The following CUL9 variants were observed in gnomAD, a reference collection of about 807,000 sequenced individuals.
CUL9 encodes the protein cullin-9.
CUL9 carries 79 observed loss-of-function variants against 272.6 expected under a neutral mutation model. The ratio of observed to expected loss-of-function variants is 0.29; its 90% CI spans 0.24 to 0.35. The LOEUF (loss-of-function observed/expected upper bound fraction) is 0.35. CUL9 is among the 10% of genes least tolerant of loss of function. The pLI, the probability that CUL9 is intolerant of heterozygous loss-of-function variation, is 1.00. For missense variants in CUL9, 2,532 were observed against 3,255.6 expected, an observed-to-expected ratio of 0.78 and a Z score of 5.41; for synonymous variants, 1,186 against 1,286.5, an observed-to-expected ratio of 0.92 and a Z score of 1.67.
rs1776596041 is a variant in CUL9 at position 43,223,974 on chromosome 6, G to C, written c.7285-121G>C. The C allele has an allele frequency of 2.2e-6, 2 of 905,962 alleles. No individual in the cohort carries two copies. The highest frequency in any genetic ancestry group is 1.8e-6 in the Non-Finnish European group (1 of 544,756). 56.1% of individuals were successfully genotyped at this position (905,962 alleles called of 1,614,324 possible). On this transcript the variant is annotated intron_variant, in intron 39 of 40. Coordinates refer to ENST00000252050, the MANE Select transcript of CUL9 (RefSeq NM_015089.4). The surrounding 1 kb of genome is among the most constrained non-coding windows in gnomAD (Gnocchi z 4.1). ...AAGGCAGTGTTTCATGAAGTGCTGT[G>C]CTGGGAGGGGAGCAGTCCTAGCAGG...
At chr6:43,197,246 C>A (rs1774080181) in intron 11 of CUL9, among the ~76,000 whole-genome samples, 1 of 151,980 alleles carries the variant, frequency 6.6e-6, no homozygotes. Context: ...AGGGTTTCAC[C>A]ATGTTGGCCA....
chr6:43,222,829 C>T lies in CUL9; in HGVS notation c.7083C>T (p.Tyr2361=). The T allele has an allele frequency of 1.2e-6, 2 of 1,614,106 alleles. No homozygotes were observed. Among genetic ancestry groups the T allele is most frequent in the Non-Finnish European group, 1.7e-6 (2 of 1,179,992 alleles). Residue 2361 remains tyrosine (Y), a synonymous_variant, in exon 38 of 41, where the codon TAC becomes TAT. Transcript: ENST00000252050. ...GCTTCTACAGCCAGGACGCAGAGTA[C>T]ATGGATGTGGTGGAGCAGCAGACAG... The part of the protein sequence containing the change: ...VYSFYSQDAE[Y]MDVVEQQTEN...
At chr6:43,189,281 C>T (rs1046267187) in intron 8 of CUL9, among the ~76,000 whole-genome samples, 2 of 152,048 alleles carry the variant, frequency 1.3e-5, no homozygotes, top group African/African-American at 4.8e-5. Context: ...CCTCTGCCTC[C>T]CGGGTTCAAG....
At position 43,213,458 on chromosome 6, in the gene CUL9, G is replaced by T. The variant is rs1265726893; in HGVS notation, c.5379G>T (p.Leu1793Phe). 3 of 1,614,184 alleles carry T rather than the reference G, an allele frequency of 1.9e-6. No individual in the cohort carries two copies. The highest frequency in any genetic ancestry group is 2.5e-6 in the Non-Finnish European group (3 of 1,180,038). The part of the protein sequence containing the change: ...NQTEEVSVET[L>F]LKDSDLSPEL... ...ATCAGGAGGTGTCAGTAGAGACCTT[G>T]CTGAAGGATTCTGACCTCTCCCCAG... Residue 1793 changes from leucine to phenylalanine, a missense_variant, in exon 28 of 41, where the codon TTG (leucine) becomes TTT (phenylalanine). Physicochemically the swap from Leu to Phe is conservative, Grantham distance 22. Transcript: ENST00000252050. The surrounding 1 kb of genome is among the most constrained non-coding windows in gnomAD (Gnocchi z 5.7).
At chr6:43,216,136 C>G in intron 30 of CUL9, 22 bp from the exon 31 acceptor site, 1 of 1,589,904 alleles carries the variant, frequency 6.3e-7, no homozygotes, top group Non-Finnish European at 8.6e-7. Context: ...ATACTGACTT[C>G]TGTCTCTTCC....
In CUL9 at chr6:43,220,630, T is replaced by G; in HGVS notation, c.6423+31T>G. On this transcript the variant is annotated intron_variant, in intron 32 of 40. Coordinates refer to ENST00000252050, the MANE Select transcript of CUL9 (RefSeq NM_015089.4). The surrounding 1 kb of genome is among the most constrained non-coding windows in gnomAD (Gnocchi z 4.9). The stretch of plus-strand genomic sequence containing the variant: ...CCCTCTCGTCTGAGAGAGGCTCCAG[T>G]GCAGAGCCAAAGGAGTGTGCCCCAG... 6.2e-7 allele frequency: 1 copy of G among 1,612,912 alleles called. No individual in the cohort carries two copies. The highest frequency in any genetic ancestry group is 1.1e-5 in the South Asian group (1 of 90,936).
chr6:43,214,052 A>T lies in CUL9; in HGVS notation c.5688+140A>T, dbSNP rs114880986. 2.2e-3 allele frequency: 1,778 copies of T among 803,124 alleles called. 18 individuals are homozygous for T. The African/African-American group carries it at 0.027, about 12-fold the overall frequency. 49.7% of individuals were successfully genotyped at this position (803,124 alleles called of 1,614,324 possible). On this transcript the variant is annotated intron_variant, in intron 29 of 40. Transcript: ENST00000252050. ...GGGTTTTCTGTTCCTGACAGAGCAG[A>T]TAGACAGCAGATAAAGATAAGGCAT...
Position 43,215,226 on chromosome 6 carries a change from C to T in CUL9, c.5836C>T (p.Pro1946Ser), listed in dbSNP as rs1198319490. 1.2e-6 allele frequency: 2 copies of T among 1,614,072 alleles called. No individual in the cohort carries two copies. The highest frequency in any genetic ancestry group is 1.7e-5 in the Admixed American group (1 of 60,012). The change falls in exon 30 of 41, where the codon CCC (proline) becomes TCC (serine). Residue 1946 changes from proline to serine, a missense_variant. Coordinates refer to ENST00000252050, the MANE Select transcript of CUL9 (RefSeq NM_015089.4). ...CTACGTGAAACGGCGTGATGACCGGCCCCAGATCCTGATGTATGCCGCTCC... is the reference window on the plus strand; with the variant it reads ...CTACGTGAAACGGCGTGATGACCGGTCCCAGATCCTGATGTATGCCGCTCC... ...QGYVKRRDDR[P>S]QILMYAAPEP...
In CUL9 at chr6:43,221,636, C is replaced by T. The variant is rs555234903; in HGVS notation, c.6753-49C>T. ...ATCTGGGCCCTTGGCATTCCTGGCA[C>T]ACCCCTGCCCAGAGGCAGGAGTCCC... is the stretch of plus-strand genomic sequence containing the variant. On this transcript the variant is annotated intron_variant, in intron 34 of 40. Coordinates refer to ENST00000252050, the MANE Select transcript of CUL9 (RefSeq NM_015089.4). The surrounding 1 kb of genome is among the most constrained non-coding windows in gnomAD (Gnocchi z 4.2). 3.2e-6 allele frequency: 5 copies of T among 1,544,326 alleles called. No individual in the cohort carries two copies. In the African/African-American group the frequency reaches 5.4e-5, roughly 17 times the overall value.
chr6:43,222,743 G>A, intron 37 of CUL9, 36 bp from the exon 38 acceptor site: 1 of 1,609,380 alleles, frequency 6.2e-7, no homozygotes. Flanking sequence ...GGAATGAGGA[G>A]AGGGCAGGCG....
rs767163955 is a variant in CUL9 at position 43,204,524 on chromosome 6, C to T, written c.4324C>T (p.Pro1442Ser). ...ACCTCCTCCTGGGCCTTCTCCTGAG[C>T]CATCCACTCGGCCCTGTAAGTCCCA... ...VEPPPGPSPE[P>S]STRPFSKNSK... Residue 1442 changes from proline (P) to serine (S), a missense_variant, in exon 21 of 41, where the codon CCA becomes TCA. Around this residue, in one of 3 missense-constraint regions of CUL9, gnomAD observed 2,218 missense variants for 2,788.6 expected, o/e 0.80. Transcript: ENST00000252050. The T allele has an allele frequency of 6.2e-7, 1 of 1,614,132 alleles. No homozygotes were observed. The highest frequency in any genetic ancestry group is 8.5e-7 in the Non-Finnish European group (1 of 1,180,040).
Position 43,186,165 on chromosome 6 carries a change from C to T in CUL9, c.961C>T (p.Arg321Trp), listed in dbSNP as rs777291584. Residue 321 changes from arginine to tryptophan, a missense_variant, in exon 4 of 41, where the codon CGG becomes TGG. Physicochemically the swap from Arg to Trp is moderately radical, Grantham distance 101. Around this residue, in one of 3 missense-constraint regions of CUL9, gnomAD observed 2,218 missense variants for 2,788.6 expected, o/e 0.80. Transcript: ENST00000252050. ...GCTTGTGCGGAGCATGGGCTGGGCC[C>T]GGAACCTCAGCGAACAGGGCATGTC... is the stretch of plus-strand genomic sequence containing the variant. ...SELVRSMGWARNLSEQGMSPP... is the reference protein window; with the variant it reads ...SELVRSMGWAWNLSEQGMSPP... 21 of 1,614,078 alleles carry T rather than the reference C, an allele frequency of 1.3e-5. No homozygotes were observed. The highest frequency in any genetic ancestry group is 5.3e-5 in the African/African-American group (4 of 74,944).
intron 11 of CUL9, 153 bp from the exon 12 acceptor site, chr6:43,198,456 A>T: frequency 1.0e-6 from 1 of 985,322 alleles, no homozygotes; most frequent in Non-Finnish European, 1.2e-6. Flanking sequence ...GGGGTCAGGA[A>T]AGAAAACCCC....
At chr6:43,201,525 G>A (rs1458664135) in intron 16 of CUL9, among the ~76,000 whole-genome samples, 1 of 152,136 alleles carries the variant, frequency 6.6e-6, no homozygotes, top group Middle Eastern at 3.2e-3. Flanking sequence ...TGCCGCCCAG[G>A]CTGGAGTACA....
In CUL9 at chr6:43,205,255, G is replaced by GC. The variant is rs1774956633; in HGVS notation, c.4633-3dup. On this transcript the variant is annotated splice_polypyrimidine_tract_variant and splice_region_variant and intron_variant, in intron 23 of 40. Coordinates refer to ENST00000252050, the MANE Select transcript of CUL9 (RefSeq NM_015089.4). Reference sequence around the variant, plus strand: ...ATGGTTTGCTCATGCCCTTTCCCCTGCCCCCAGATGAGTGAGCAGTTTGCC... The same window carrying GC: ...ATGGTTTGCTCATGCCCTTTCCCCTGCCCCCCAGATGAGTGAGCAGTTTGCC... 6.2e-7 allele frequency: 1 copy of GC among 1,611,916 alleles called. No individual in the cohort carries two copies. The highest frequency in any genetic ancestry group is 1.7e-5 in the Admixed American group (1 of 59,966).
In CUL9 at chr6:43,213,916, G is replaced by C; in HGVS notation, c.5688+4G>C. ...CATTGATCAGCTGGTTTGTCTGGTA[G>C]GCAGAGAGGGGACCATGAAGTTGGC... On this transcript the variant is annotated splice_donor_region_variant and intron_variant, in intron 29 of 40. Transcript: ENST00000252050. The surrounding 1 kb of genome is among the most constrained non-coding windows in gnomAD (Gnocchi z 5.7). 1 of 1,613,984 alleles carries C rather than the reference G, an allele frequency of 6.2e-7. No individual in the cohort carries two copies. The highest frequency in any genetic ancestry group is 8.5e-7 in the Non-Finnish European group (1 of 1,180,026).
chr6:43,204,911 C>G, intron 22 of CUL9, 22 bp from the exon 23 acceptor site: 1 of 1,608,652 alleles, frequency 6.2e-7, no homozygotes, highest in Non-Finnish European at 8.5e-7. Flanking sequence ...CCTTTTATGT[C>G]ATTTCTTGCC....
At chr6:43,216,529 G>T in intron 31 of CUL9, 26 bp downstream of exon 31, 11 of 1,552,528 alleles carry the variant, frequency 7.1e-6, no homozygotes, top group Non-Finnish European at 8.8e-6. Context: ...CATTGCTCCT[G>T]CCCCTGGCTT....
At chr6:43,214,501 T>G (rs1313154659) in intron 29 of CUL9, among the ~76,000 whole-genome samples, 1 of 150,876 alleles carries the variant, frequency 6.6e-6, no homozygotes, top group South Asian at 2.1e-4. Context: ...AACAGTGAAG[T>G]ATGAGAAACT....
Sources: allele counts gnomAD v4.1 joint callset (sites outside exome capture counted in the v4.1 genomes callset), GRCh38; gene constraint gnomAD v4.1.1; regional missense constraint gnomAD v4.1.1; non-coding constraint Gnocchi (gnomAD v3.1); transcripts MANE v1.5; gene names NCBI Gene and HGNC (gene_info 2026-07-23, HGNC 2026-07-21).